The following ARHGAP5 variants were observed in gnomAD, a reference collection of about 807,000 sequenced individuals.
The protein encoded by ARHGAP5 is Rho GTPase activating protein 5.
In ARHGAP5, 23 loss-of-function variants were observed where a neutral mutation model predicts 116.6. The ratio of observed to expected loss-of-function variants is 0.20; its 90% CI spans 0.14 to 0.28. The LOEUF is 0.28. ARHGAP5 is among the 10% of genes least tolerant of loss of function. ARHGAP5 has a pLI of 1.00. For missense variants in ARHGAP5, 1,405 were observed against 1,774.8 expected, an observed-to-expected ratio of 0.79 and a Z score of 3.74; for synonymous variants, 574 against 602.0, an observed-to-expected ratio of 0.95 and a Z score of 0.68.
At chr14:32,148,540 A>G (rs1881496586) in intron 4 of ARHGAP5, among the ~76,000 whole-genome samples, 1 of 152,216 alleles carries the variant, frequency 6.6e-6, no homozygotes, top group African/African-American at 2.4e-5. Flanking sequence ...AATGTAGCCT[A>G]AGGAAATAAG....
intron 1 of ARHGAP5, among the ~76,000 whole-genome samples, chr14:32,078,484 CT>C (rs1318623773): frequency 6.6e-6 from 1 of 152,116 alleles, no homozygotes; most frequent in Non-Finnish European, 1.5e-5. Flanking sequence ...AGTTTAAATT[CT>C]TATCGATCAT....
chr14:32,143,394 C>G (rs777007293), intron 3 of ARHGAP5, among the ~76,000 whole-genome samples: 5 of 152,050 alleles, frequency 3.3e-5, no homozygotes, highest in Non-Finnish European at 7.4e-5. Context: ...AGGTGCCCAC[C>G]ACCACGCCTG....
Position 32,146,288 on chromosome 14 carries a change from T to G in ARHGAP5, c.3891T>G (p.Arg1297=). ...GGTTATGTACCGAAGGACTCTACCG[T>G]GTCAGCGGGAATAAAACTGACCAAG... is the stretch of plus-strand genomic sequence containing the variant. ...DTGLCTEGLY[R]VSGNKTDQDN... The change falls in exon 4 of 7, where the codon CGT becomes CGG. Residue 1297 remains arginine, a synonymous_variant. Coordinates refer to ENST00000345122, the MANE Select transcript of ARHGAP5 (RefSeq NM_001030055.2). 6.2e-7 allele frequency: 1 copy of G among 1,613,166 alleles called. No homozygotes were observed. Among genetic ancestry groups the G allele is most frequent in the South Asian group, 1.1e-5 (1 of 91,048 alleles).
rs184334244 is a variant in ARHGAP5 at position 32,122,635 on chromosome 14, C to T, written c.3865+5348C>T. ...TTCCATTTATCTTCCAAGAGTTTTA[C>T]GGTTTTATCACATACATTTAGGTCT... On this transcript the variant is annotated intron_variant, in intron 3 of 6. Coordinates refer to ENST00000345122, the MANE Select transcript of ARHGAP5 (RefSeq NM_001030055.2). 2.1e-3 allele frequency among the ~76,000 whole-genome samples: 314 copies of T among 152,228 alleles called. 1 individual carries two copies. Among genetic ancestry groups the T allele is most frequent in the African/African-American group, 5.9e-3 (245 of 41,548 alleles).
Position 32,092,493 on chromosome 14 carries a change from A to G in ARHGAP5, c.1824A>G (p.Gln608=). Residue 608 remains glutamine, a synonymous_variant, in exon 2 of 7, where the codon CAA becomes CAG. Transcript: ENST00000345122. This position sits in a 1 kb window ranked among gnomAD's most constrained non-coding sequence, Gnocchi z 4.1. ...LFILGKDGLA[Q]ELANEIRTQS... ...TTTTAGGGAAGGATGGCCTTGCCCA[A>G]GAACTAGCAAATGAGATAAGGACAC... 3 of 1,614,070 alleles carry G rather than the reference A, an allele frequency of 1.9e-6. No individual in the cohort carries two copies. The highest frequency in any genetic ancestry group is 2.5e-6 in the Non-Finnish European group (3 of 1,179,890).
At position 32,094,355 on chromosome 14, in the gene ARHGAP5, A is replaced by C. The variant is rs1280332091; in HGVS notation, c.3686A>C (p.Lys1229Thr). 6.3e-7 allele frequency: 1 copy of C among 1,584,578 alleles called. No homozygotes were observed. The highest frequency in any genetic ancestry group is 2.2e-5 in the East Asian group (1 of 44,724). ...DQELDDKKMK[K>T]KTHKVKEDKK... is the part of the protein sequence containing the mutation. ...GAGTTAGATGATAAGAAGATGAAGAAGAAAACCCACAAAGTGAAAGAAGAT... is the reference window on the plus strand; with the variant it reads ...GAGTTAGATGATAAGAAGATGAAGACGAAAACCCACAAAGTGAAAGAAGAT... Residue 1229 changes from lysine (K) to threonine (T), a missense_variant, in exon 2 of 7, where the codon AAG becomes ACG. Coordinates refer to ENST00000345122, the MANE Select transcript of ARHGAP5 (RefSeq NM_001030055.2).
At chr14:32,122,577 G>A (rs1879942338) in intron 3 of ARHGAP5, among the ~76,000 whole-genome samples, 1 of 152,102 alleles carries the variant, frequency 6.6e-6, no homozygotes, top group Non-Finnish European at 1.5e-5. Flanking sequence ...TGTCTAAGAA[G>A]GTTTTTGCCT....
chr14:32,103,088 C>T (rs1214610466), intron 2 of ARHGAP5, among the ~76,000 whole-genome samples: 1 of 152,164 alleles, frequency 6.6e-6, no homozygotes, highest in Non-Finnish European at 1.5e-5. Context: ...TCCTGGGTAA[C>T]TGGCTAAATT....
chr14:32,120,382 CT>C (rs139973746), intron 3 of ARHGAP5, among the ~76,000 whole-genome samples: 190 of 150,160 alleles, frequency 1.3e-3, no homozygotes, highest in African/African-American at 4.1e-3. Context: ...ATTGATTTTC[CT>C]TTTTTTTTCC....
chr14:32,104,254 T>C (rs185528110), intron 2 of ARHGAP5, among the ~76,000 whole-genome samples: 44 of 152,290 alleles, frequency 2.9e-4, no homozygotes, highest in Non-Finnish European at 5.3e-4. Context: ...TCCAGGTTTA[T>C]TTTTTGTTAA....
At chr14:32,154,285 G>C in intron 6 of ARHGAP5, 1 of 204,432 alleles carries the variant, frequency 4.9e-6, no homozygotes. Context: ...CAAGTAGCTG[G>C]AATTACAGGC....
chr14:32,105,135 C>T (rs926727591), intron 2 of ARHGAP5, among the ~76,000 whole-genome samples: 1 of 152,122 alleles, frequency 6.6e-6, no homozygotes, highest in African/African-American at 2.4e-5. Flanking sequence ...AAAAAAATGT[C>T]TATGCAGTTC....
intron 3 of ARHGAP5, among the ~76,000 whole-genome samples, chr14:32,129,205 A>G (rs1173672158): frequency 6.6e-6 from 1 of 152,180 alleles, no homozygotes. Context: ...CTTATAAGTA[A>G]ATAATATATT....
chr14:32,120,534 C>T (rs976122680), intron 3 of ARHGAP5, among the ~76,000 whole-genome samples: 4 of 151,036 alleles, frequency 2.6e-5, no homozygotes, highest in African/African-American at 7.3e-5. Context: ...TTCCTCTAAG[C>T]ATTGTTTTAG....
At chr14:32,084,651 A>T (rs568513710) in intron 1 of ARHGAP5, among the ~76,000 whole-genome samples, 1 of 152,306 alleles carries the variant, frequency 6.6e-6, no homozygotes, top group Non-Finnish European at 1.5e-5. Flanking sequence ...AAATTGTTCA[A>T]ATTTTTAATA....
At chr14:32,095,926 C>A (rs1171385780) in intron 2 of ARHGAP5, among the ~76,000 whole-genome samples, 1 of 151,800 alleles carries the variant, frequency 6.6e-6, no homozygotes, top group Non-Finnish European at 1.5e-5. Flanking sequence ...TTTTAAATTG[C>A]TTTTATTTTT....
chr14:32,109,771 G>A (rs1047641383), intron 2 of ARHGAP5, among the ~76,000 whole-genome samples: 13 of 152,070 alleles, frequency 8.5e-5, no homozygotes, highest in Middle Eastern at 3.4e-3. Context: ...TGTAAGTTGC[G>A]AGTTATACAT....
intron 2 of ARHGAP5, among the ~76,000 whole-genome samples, chr14:32,095,486 C>G (rs775464701): frequency 6.8e-6 from 1 of 147,456 alleles, no homozygotes; most frequent in Non-Finnish European, 1.5e-5. Flanking sequence ...AATCTTGGCT[C>G]ACCGCAGCCT....
intron 2 of ARHGAP5, among the ~76,000 whole-genome samples, chr14:32,100,971 A>G (rs574969842): frequency 1.3e-5 from 2 of 152,178 alleles, no homozygotes; most frequent in East Asian, 1.9e-4. Context: ...TATTTTGTCT[A>G]TTTTATTTTT....
Sources: gnomAD v4.1 joint callset for allele counts (sites outside exome capture counted in the v4.1 genomes callset) on GRCh38, gnomAD v4.1.1 for gene constraint, Gnocchi (gnomAD v3.1) non-coding constraint, MANE v1.5 for transcripts, NCBI Gene and HGNC (gene_info 2026-07-23, HGNC 2026-07-21) for gene names.